The following LRPAP1 variants were observed in gnomAD, a reference collection of about 807,000 sequenced individuals.
LRPAP1 encodes the protein LDL receptor related protein associated protein 1, also known as alpha-2-macroglobulin receptor-associated protein.
In LRPAP1, 41 loss-of-function variants were observed where a neutral mutation model predicts 39.9. The ratio of observed to expected loss-of-function variants is 1.03; its 90% confidence interval spans 0.80 to 1.33. LRPAP1 has a LOEUF of 1.33. LRPAP1 is among the 40% of genes most tolerant of loss of function. The probability of loss-of-function intolerance (pLI) is 0.00; values close to 1 mark genes in which losing one functional copy is unlikely to be tolerated. For synonymous variants in LRPAP1, 263 were observed against 212.7 expected (o/e 1.24, Z -2.06); for missense variants, 565 against 482.3 (o/e 1.17, Z -1.61).
At position 3,524,279 on chromosome 4, in the gene LRPAP1, C is replaced by T. The variant is rs188491916; in HGVS notation, c.349+628G>A. On this transcript the variant is annotated intron_variant, in intron 2 of 7. Coordinates refer to ENST00000650182, the MANE Select transcript of LRPAP1 (RefSeq NM_002337.4). ...CACACCTGTCTTCCGTATGCTGGTA[C>T]CAAGCAGGCGACTGTCCTGCCTCTT... Among the ~76,000 whole-genome samples, 685 of 152,342 alleles carry T rather than the reference C, an allele frequency of 4.5e-3. 5 individuals are homozygous for T. Among genetic ancestry groups the T allele is most frequent in the African/African-American group, 0.015 (643 of 41,572 alleles).
intron 2 of LRPAP1, among the ~76,000 whole-genome samples, chr4:3,522,299 A>G (rs1729932906): frequency 6.6e-6 from 1 of 152,252 alleles, no homozygotes; most frequent in South Asian, 2.1e-4. Flanking sequence ...AAAAGCTCTG[A>G]GCCAGAGCCC....
chr4:3,524,513 G>A (rs553378639), intron 2 of LRPAP1, among the ~76,000 whole-genome samples: 279 of 152,354 alleles, frequency 1.8e-3, no homozygotes, highest in Non-Finnish European at 2.9e-3. Context: ...AATGGCATCT[G>A]TGACAGCAAA....
In LRPAP1 at chr4:3,518,024, G is replaced by A. The variant is rs937788498; in HGVS notation, c.751+10C>T. On this transcript the variant is annotated intron_variant, in intron 5 of 7. Coordinates refer to ENST00000650182, the MANE Select transcript of LRPAP1 (RefSeq NM_002337.4). ...CCCTCGGGAACCAACAGTCCCGGGC[G>A]GGCACTCACCAGCCTCAGTGCTGTA... 1.6e-5 allele frequency: 26 copies of A among 1,595,626 alleles called. No individual in the cohort carries two copies. In the East Asian group the frequency reaches 2.2e-4, roughly 14 times the overall value.
intron 1 of LRPAP1, among the ~76,000 whole-genome samples, chr4:3,527,577 G>A (rs1330410069): frequency 6.6e-6 from 1 of 152,252 alleles, no homozygotes; most frequent in Non-Finnish European, 1.5e-5. Flanking sequence ...TCTGAGATGC[G>A]AGGCCCACAG....
chr4:3,518,218 T>C (rs1316788826), intron 4 of LRPAP1, 26 bp from the exon 5 acceptor site: 2 of 1,600,092 alleles, frequency 1.2e-6, no homozygotes, highest in Admixed American at 1.7e-5. Context: ...CAGGACGCCA[T>C]GAGGCTGGGA....
intron 5 of LRPAP1, among the ~76,000 whole-genome samples, chr4:3,516,548 G>A (rs1729711958): frequency 6.6e-6 from 1 of 152,254 alleles, no homozygotes; most frequent in African/African-American, 2.4e-5. Flanking sequence ...TGTGTGCAGA[G>A]GCTGCCAGGA....
At chr4:3,525,167 G>T in intron 1 of LRPAP1, 116 bp from the exon 2 acceptor site, 1 of 1,166,546 alleles carries the variant, frequency 8.6e-7, no homozygotes, top group Non-Finnish European at 1.3e-6. Context: ...AGGAAGAGGT[G>T]GAGTCAGGGT....
intron 6 of LRPAP1, among the ~76,000 whole-genome samples, chr4:3,515,205 C>G (rs1577204080): frequency 6.6e-6 from 1 of 152,190 alleles, no homozygotes; most frequent in South Asian, 2.1e-4. Context: ...CAGCTCGTTC[C>G]CAGCCAGACC....
At chr4:3,522,295 T>G (rs1369212081) in intron 2 of LRPAP1, among the ~76,000 whole-genome samples, 1 of 152,136 alleles carries the variant, frequency 6.6e-6, no homozygotes, top group African/African-American at 2.4e-5. Flanking sequence ...AGCCAAAAGC[T>G]CTGAGCCAGA....
At chr4:3,522,204 AGAG>A (rs1356144223) in intron 2 of LRPAP1, among the ~76,000 whole-genome samples, 1 of 152,112 alleles carries the variant, frequency 6.6e-6, no homozygotes, top group East Asian at 1.9e-4. Context: ...CCTGAGCCCG[AGAG>A]GAGGAGAGGG....
chr4:3,525,056 G>C lies in LRPAP1; in HGVS notation c.205-5C>G, dbSNP rs756448955. ...CCTCACGGGAGGAAGATGCAGCTGCGAACGAAGGGGAGGAGCCTGTGAGCC... is the reference window on the plus strand; with the variant it reads ...CCTCACGGGAGGAAGATGCAGCTGCCAACGAAGGGGAGGAGCCTGTGAGCC... On this transcript the variant is annotated splice_polypyrimidine_tract_variant and splice_region_variant and intron_variant, in intron 1 of 7. Coordinates refer to ENST00000650182, the MANE Select transcript of LRPAP1 (RefSeq NM_002337.4). The C allele has an allele frequency of 6.2e-7, 1 of 1,613,826 alleles. No individual in the cohort carries two copies. Among genetic ancestry groups the C allele is most frequent in the Non-Finnish European group, 8.5e-7 (1 of 1,180,026 alleles).
At chr4:3,513,508 C>T (rs1215649265) in intron 7 of LRPAP1, among the ~76,000 whole-genome samples, 1 of 152,124 alleles carries the variant, frequency 6.6e-6, no homozygotes, top group Non-Finnish European at 1.5e-5. Flanking sequence ...GGGGTTCTAC[C>T]ATGTTGCCCA....
Position 3,532,214 on chromosome 4 carries a change from G to C in LRPAP1, c.199C>G (p.Gln67Glu). The stretch of plus-strand genomic sequence containing the variant: ...CGACCGCGGGCCGCGCTCACTCGCT[G>C]GGCCTTCTCCCACAGCTGGTTCAAC... ...EKLNQLWEKAQRLHLPPVRLA... is the reference protein window; with the variant it reads ...EKLNQLWEKAERLHLPPVRLA... Residue 67 changes from glutamine (Q) to glutamate (E), a missense_variant, in exon 1 of 8, where the codon CAG (glutamine) becomes GAG (glutamate). Gln to Glu is a conservative substitution (Grantham distance 29, BLOSUM62 2). Coordinates refer to ENST00000650182, the MANE Select transcript of LRPAP1 (RefSeq NM_002337.4). The C allele has an allele frequency of 6.5e-7, 1 of 1,550,000 alleles. No homozygotes were observed.
At chr4:3,531,983 C>G in intron 1 of LRPAP1, 2 of 590,156 alleles carry the variant, frequency 3.4e-6, no homozygotes, top group South Asian at 4.2e-5. Flanking sequence ...CGGCCGCCAC[C>G]TGCTTCACAC....
chr4:3,519,089 C>A (rs1222493117), intron 3 of LRPAP1, 98 bp from the exon 4 acceptor site: 3 of 1,533,974 alleles, frequency 2.0e-6, no homozygotes, highest in South Asian at 2.6e-5. Flanking sequence ...CAGGCCCTTG[C>A]CTACGTGAGT....
intron 7 of LRPAP1, 44 bp downstream of exon 7, chr4:3,514,708 T>C (rs757241917): frequency 1.3e-6 from 2 of 1,556,482 alleles, no homozygotes; most frequent in Non-Finnish European, 1.7e-6. Flanking sequence ...TCATCTTTCC[T>C]GCAGGGGAAC....
intron 1 of LRPAP1, among the ~76,000 whole-genome samples, chr4:3,530,324 G>A (rs1007909004): frequency 5.3e-5 from 8 of 152,168 alleles, no homozygotes; most frequent in Admixed American, 4.6e-4. Context: ...CACCCTCCAA[G>A]CTTCCGTTAT....
In LRPAP1 at chr4:3,511,348, G is replaced by A. The variant is rs1322285980; in HGVS notation, c.*1626C>T. The A allele has an allele frequency of 6.8e-6, 1 of 147,838 alleles. No homozygotes were observed. Among genetic ancestry groups the A allele is most frequent in the East Asian group, 2.0e-4 (1 of 4,974 alleles). The allele number at this position is 147,838 out of a possible 1,614,324, so 9.2% of individuals were successfully genotyped here. On this transcript the variant is annotated 3_prime_UTR_variant, in exon 8 of 8. Coordinates refer to ENST00000650182, the MANE Select transcript of LRPAP1 (RefSeq NM_002337.4). ...CACAATAAAGTGCATTAAAATCAGA[G>A]CACAGGACAGTCATGCAATGGAATA...
intron 1 of LRPAP1, among the ~76,000 whole-genome samples, chr4:3,525,942 T>G (rs1473545294): frequency 6.6e-6 from 1 of 152,270 alleles, no homozygotes; most frequent in Non-Finnish European, 1.5e-5. Flanking sequence ...GCCTCGGGGC[T>G]GGCCCGGCCG....
Sources: gnomAD v4.1 joint callset for allele counts (sites outside exome capture counted in the v4.1 genomes callset) on GRCh38, gnomAD v4.1.1 for gene constraint, MANE v1.5 for transcripts, NCBI Gene and HGNC (gene_info 2026-07-23, HGNC 2026-07-21) for gene names.